Variants in HNRNPLL observed in about 807,000 individuals in gnomAD.
The protein encoded by HNRNPLL is heterogeneous nuclear ribonucleoprotein L-like.
A neutral mutation model predicts 67.1 loss-of-function variants in HNRNPLL; 25 were observed. That is an observed-to-expected ratio of 0.37 (90% CI 0.27 to 0.52). The LOEUF (loss-of-function observed/expected upper bound fraction) is 0.52, where lower values mean the gene tolerates loss of function less well. Ranked by LOEUF, HNRNPLL falls within the 20% of genes least tolerant of loss-of-function variation. The probability of loss-of-function intolerance (pLI) is 0.90; values close to 1 mark genes in which losing one functional copy is unlikely to be tolerated. For synonymous variants in HNRNPLL, 267 were observed against 241.7 expected (o/e 1.10, Z -0.97); for missense variants, 542 against 673.9 (o/e 0.80, Z 2.17).
At chr2:38,594,784 T>C (rs1053556555) in intron 1 of HNRNPLL, among the ~76,000 whole-genome samples, 4 of 151,958 alleles carry the variant, frequency 2.6e-5, no homozygotes, top group African/African-American at 2.4e-5. Flanking sequence ...ACCCCATCTC[T>C]ACTAAAATTA....
chr2:38,574,218 A>G (rs921609516), intron 7 of HNRNPLL, among the ~76,000 whole-genome samples: 3 of 151,918 alleles, frequency 2.0e-5, no homozygotes, highest in African/African-American at 7.2e-5. Context: ...CTAACAAAAA[A>G]TAAAGCTAGA....
Position 38,582,756 on chromosome 2 carries a change from C to T in HNRNPLL, c.633-588G>A, listed in dbSNP as rs191077708. On this transcript the variant is annotated intron_variant, in intron 4 of 12. Transcript: ENST00000449105. ...CCAACATGGTGAAGCCCCATCTCTA[C>T]TAAAAATACAAAAATTAGCTGGGTG... is the stretch of plus-strand genomic sequence containing the variant. Among the ~76,000 whole-genome samples, 70 of 151,884 alleles carry T rather than the reference C, an allele frequency of 4.6e-4. 4 individuals carry two copies. In the East Asian group the frequency reaches 0.013, roughly 29 times the overall value.
Position 38,581,915 on chromosome 2 carries a change from C to T in HNRNPLL, c.800G>A (p.Arg267Gln), listed in dbSNP as rs751741171. Residue 267 changes from arginine (R) to glutamine (Q), a missense_variant and splice_region_variant, in exon 6 of 13, where the codon CGA becomes CAA. Transcript: ENST00000449105. ...WDYTKPYLGR[R>Q]DRGKGRQRQA... ...TCTAAAATGTATAAAATACCTACCT[C>T]GTCTTCCCAAATATGGTTTAGTGTA... 5 of 1,600,736 alleles carry T rather than the reference C, an allele frequency of 3.1e-6. No individual in the cohort carries two copies. Among genetic ancestry groups the T allele is most frequent in the African/African-American group, 1.3e-5 (1 of 74,786 alleles).
At chr2:38,596,285 CAG>C (rs1213313835) in intron 1 of HNRNPLL, among the ~76,000 whole-genome samples, 4 of 151,840 alleles carry the variant, frequency 2.6e-5, no homozygotes, top group African/African-American at 9.7e-5. Context: ...TTTTTTGAGA[CAG>C]AGTCTCGCTC....
intron 4 of HNRNPLL, among the ~76,000 whole-genome samples, chr2:38,582,692 G>A (rs529724523): frequency 6.6e-6 from 1 of 152,054 alleles, no homozygotes; most frequent in African/African-American, 2.4e-5. Flanking sequence ...GGCTGAACCA[G>A]GTGAACAGCC....
At chr2:38,580,956 C>T (rs574021411) in intron 6 of HNRNPLL, 1 of 152,222 alleles carries the variant, frequency 6.6e-6, no homozygotes, top group African/African-American at 2.4e-5. Context: ...AAAATCAAAC[C>T]ACACAGAAGA....
chr2:38,593,873 C>T (rs1430131889), intron 1 of HNRNPLL, among the ~76,000 whole-genome samples: 1 of 117,494 alleles, frequency 8.5e-6, no homozygotes. Flanking sequence ...AAAAAAAAAA[C>T]AAAAAAAAAC....
chr2:38,585,901 G>C lies in HNRNPLL; in HGVS notation c.309-20C>G, dbSNP rs1012625125. On this transcript the variant is annotated intron_variant, in intron 2 of 12. Transcript: ENST00000449105. ...ACATAGCTGAAAAGGGAGAAAAGGA[G>C]GAAACACACAAACACAGCAAGTTCC... The C allele has an allele frequency of 7.1e-7, 1 of 1,404,468 alleles. No homozygotes were observed. Among genetic ancestry groups the C allele is most frequent in the Admixed American group, 1.7e-5 (1 of 59,712 alleles). 87.0% of individuals were successfully genotyped at this position (1,404,468 alleles called of 1,614,324 possible).
At chr2:38,586,179 G>A (rs1666723850) in intron 2 of HNRNPLL, among the ~76,000 whole-genome samples, 1 of 152,094 alleles carries the variant, frequency 6.6e-6, no homozygotes, top group Admixed American at 6.5e-5. Context: ...CCGCCACCAG[G>A]CCCCGCTGAT....
At chr2:38,575,787 T>C (rs943879875) in intron 7 of HNRNPLL, among the ~76,000 whole-genome samples, 2 of 151,896 alleles carry the variant, frequency 1.3e-5, no homozygotes, top group Middle Eastern at 6.8e-3. Context: ...CATTTGTGAT[T>C]TGCAATATTT....
At chr2:38,568,571 T>C (rs1665958399) in intron 10 of HNRNPLL, 128 bp from the exon 11 acceptor site, 1 of 620,562 alleles carries the variant, frequency 1.6e-6, no homozygotes, top group Non-Finnish European at 2.8e-6. Flanking sequence ...CAAGTATGTT[T>C]TCTACATTAA....
intron 12 of HNRNPLL, chr2:38,565,969 T>G: frequency 1.2e-6 from 1 of 859,456 alleles, no homozygotes; most frequent in Non-Finnish European, 1.4e-6. Flanking sequence ...TCATTCATTG[T>G]TTTTTTTTCT....
At chr2:38,569,474 T>C (rs1665988398) in intron 9 of HNRNPLL, 140 bp from the exon 10 acceptor site, 3 of 615,294 alleles carry the variant, frequency 4.9e-6, no homozygotes, top group Admixed American at 5.8e-5. Context: ...ATAGAGGATT[T>C]AGTTTGGGTT....
chr2:38,578,038 GTATTT>G (rs1490974922), intron 6 of HNRNPLL: 2 of 470,110 alleles, frequency 4.3e-6, no homozygotes, highest in East Asian at 1.4e-4. Context: ...TAAACACAGA[GTATTT>G]TATAAGTATA....
In HNRNPLL at chr2:38,602,548, T is replaced by C. The variant is rs1190227721; in HGVS notation, c.79A>G (p.Thr27Ala). The change falls in exon 1 of 13, where the codon ACC becomes GCC. Residue 27 changes from threonine to alanine, a missense_variant. Thr to Ala is a moderately conservative substitution (Grantham distance 58). Transcript: ENST00000449105. ...EYESQAKRLK[T>A]EEGEIDYSAE... ...GAGTAGTCGATCTCCCCCTCCTCGGTCTTGAGACGCTTGGCCTGGCTCTCG... is the reference window on the plus strand; with the variant it reads ...GAGTAGTCGATCTCCCCCTCCTCGGCCTTGAGACGCTTGGCCTGGCTCTCG... 1 of 1,563,774 alleles carries C rather than the reference T, an allele frequency of 6.4e-7. No homozygotes were observed. The highest frequency in any genetic ancestry group is 1.9e-5 in the Admixed American group (1 of 52,348).
intron 1 of HNRNPLL, among the ~76,000 whole-genome samples, chr2:38,597,284 T>C (rs908736300): frequency 4.6e-4 from 70 of 152,244 alleles, no homozygotes; most frequent in African/African-American, 1.6e-3. Flanking sequence ...TCAGGCGAAA[T>C]ATCCTCCAGG....
intron 12 of HNRNPLL, among the ~76,000 whole-genome samples, chr2:38,566,593 G>A (rs1410947021): frequency 6.6e-6 from 1 of 151,832 alleles, no homozygotes; most frequent in Non-Finnish European, 1.5e-5. Context: ...GTAAACTGGT[G>A]CAACCTTTAT....
At chr2:38,592,711 C>T (rs759974732) in intron 1 of HNRNPLL, among the ~76,000 whole-genome samples, 1 of 152,148 alleles carries the variant, frequency 6.6e-6, no homozygotes, top group Non-Finnish European at 1.5e-5. Context: ...ATTCAAGTTC[C>T]ATTAAGACAA....
At chr2:38,584,416 C>CA (rs1376123875) in intron 3 of HNRNPLL, among the ~76,000 whole-genome samples, 1 of 152,132 alleles carries the variant, frequency 6.6e-6, no homozygotes, top group African/African-American at 2.4e-5. Flanking sequence ...ACAATACACC[C>CA]ACATTAAAGA....
Sources: allele counts gnomAD v4.1 joint callset (sites outside exome capture counted in the v4.1 genomes callset), GRCh38; gene constraint gnomAD v4.1.1; transcripts MANE v1.5; gene names NCBI Gene and HGNC (gene_info 2026-07-23, HGNC 2026-07-21).